Variants in MGMT observed in about 807,000 individuals in gnomAD.
The protein encoded by MGMT is O-6-methylguanine-DNA methyltransferase.
MGMT carries 14 observed loss-of-function variants against 15.9 expected under a neutral mutation model. The ratio of observed to expected loss-of-function variants is 0.88; its 90% CI spans 0.58 to 1.37. The LOEUF (loss-of-function observed/expected upper bound fraction) is 1.37, where lower values mean the gene tolerates loss of function less well. Ranked by LOEUF, MGMT falls within the 40% of genes most tolerant of loss-of-function variation. MGMT has a pLI of 0.00. For missense variants in MGMT, 282 were observed against 268.1 expected (o/e 1.05, Z -0.36); for synonymous variants, 130 against 118.2 (o/e 1.10, Z -0.65).
chr10:129,752,120 T>G (rs1230709458), intron 3 of MGMT, among the ~76,000 whole-genome samples: 1 of 151,998 alleles, frequency 6.6e-6, no homozygotes, highest in Admixed American at 6.6e-5. Flanking sequence ...CCACATATAA[T>G]TCTAGATTTG....
chr10:129,722,937 C>T (rs938510847), intron 3 of MGMT, among the ~76,000 whole-genome samples: 21 of 135,126 alleles, frequency 1.6e-4, no homozygotes, highest in African/African-American at 6.0e-4. Context: ...ACCCAGGAGA[C>T]AGAGGTTGCA....
intron 1 of MGMT, among the ~76,000 whole-genome samples, chr10:129,495,135 G>T (rs1845507695): frequency 6.6e-6 from 1 of 152,126 alleles, no homozygotes; most frequent in Non-Finnish European, 1.5e-5. Flanking sequence ...TTTTTTTCAG[G>T]ATTAACAATT....
chr10:129,696,774 T>G (rs1443347907), intron 2 of MGMT, among the ~76,000 whole-genome samples: 1 of 152,160 alleles, frequency 6.6e-6, no homozygotes, highest in East Asian at 1.9e-4. Context: ...TGGCTGTTTG[T>G]CCCAGGGCTC....
intron 1 of MGMT, among the ~76,000 whole-genome samples, chr10:129,519,039 A>G (rs544087194): frequency 1.3e-5 from 2 of 152,262 alleles, no homozygotes; most frequent in South Asian, 4.1e-4. Flanking sequence ...AGGTCACTTC[A>G]AGAATCAAAG....
chr10:129,740,942 C>A (rs960751684), intron 3 of MGMT, among the ~76,000 whole-genome samples: 1 of 152,204 alleles, frequency 6.6e-6, no homozygotes, highest in East Asian at 1.9e-4. Flanking sequence ...ACGTTACCAT[C>A]TTCAAATGAG....
Position 129,556,191 on chromosome 10 carries a change from G to A in MGMT, c.125+19814G>A, listed in dbSNP as rs569549856. ...GAGACCAAGCAGTGCTTTCGGGATC[G>A]CTCTGTTGGTCTCTGTGTAGCACGT... On this transcript the variant is annotated intron_variant, in intron 2 of 4. Coordinates refer to ENST00000651593, the MANE Select transcript of MGMT (RefSeq NM_002412.5). The surrounding 1 kb of genome is among the most constrained non-coding windows in gnomAD (Gnocchi z 4.3). Among the ~76,000 whole-genome samples the A allele has an allele frequency of 5.3e-5, 8 of 152,288 alleles. No homozygotes were observed. The highest frequency in any genetic ancestry group is 2.0e-4 in the Admixed American group (3 of 15,306).
intron 2 of MGMT, among the ~76,000 whole-genome samples, chr10:129,619,810 T>C (rs1847070899): frequency 6.6e-6 from 1 of 152,260 alleles, no homozygotes; most frequent in African/African-American, 2.4e-5. Flanking sequence ...GCCATGATGA[T>C]GCTATTCCAC....
intron 2 of MGMT, among the ~76,000 whole-genome samples, chr10:129,571,059 G>A (rs750612988): frequency 2.4e-4 from 36 of 152,158 alleles, no homozygotes; most frequent in Admixed American, 1.8e-3. Context: ...GTAACAAGTC[G>A]AATAGAAATC....
intron 2 of MGMT, among the ~76,000 whole-genome samples, chr10:129,703,459 G>A (rs1366483883): frequency 3.3e-5 from 5 of 152,138 alleles, no homozygotes; most frequent in African/African-American, 1.2e-4. Context: ...CAGCTCTCGT[G>A]GTAGAATGCC....
At chr10:129,557,215 A>G (rs1430007303) in intron 2 of MGMT, among the ~76,000 whole-genome samples, 1 of 152,206 alleles carries the variant, frequency 6.6e-6, no homozygotes, top group South Asian at 2.1e-4. Context: ...ACTATGTCAG[A>G]TGTGCCATGA....
At chr10:129,726,547 A>G (rs1848436774) in intron 3 of MGMT, among the ~76,000 whole-genome samples, 1 of 152,226 alleles carries the variant, frequency 6.6e-6, no homozygotes, top group Admixed American at 6.5e-5. Context: ...CCTCACGCAG[A>G]CTGAGCAGGA....
At chr10:129,471,940 C>G (rs1845236190) in intron 1 of MGMT, among the ~76,000 whole-genome samples, 1 of 152,162 alleles carries the variant, frequency 6.6e-6, no homozygotes, top group Non-Finnish European at 1.5e-5. Context: ...ATTGCAAACC[C>G]AACATGTTAT....
chr10:129,676,611 TAAA>T (rs1029000767), intron 2 of MGMT, among the ~76,000 whole-genome samples: 1 of 152,204 alleles, frequency 6.6e-6, no homozygotes, highest in Non-Finnish European at 1.5e-5. Context: ...GTCTGTTTAA[TAAA>T]AAATAACCAT....
rs147394505 is a variant in MGMT at position 129,567,138 on chromosome 10, G to A, written c.125+30761G>A. On this transcript the variant is annotated intron_variant, in intron 2 of 4. Transcript: ENST00000651593. ...TTTTTCACCAGAAACAAATGCCTTT[G>A]TGCTTCTCCCGCCTGCGGACTCCCA... 6.2e-3 allele frequency among the ~76,000 whole-genome samples: 942 copies of A among 152,242 alleles called. 10 individuals are homozygous for A. Among genetic ancestry groups the A allele is most frequent in the African/African-American group, 0.022 (907 of 41,542 alleles).
At chr10:129,766,248 G>A (rs1275730052) in intron 4 of MGMT, among the ~76,000 whole-genome samples, 2 of 152,158 alleles carry the variant, frequency 1.3e-5, no homozygotes, top group African/African-American at 4.8e-5. Flanking sequence ...TGGAGAAAAA[G>A]GCATGGCTGC....
chr10:129,517,047 G>A (rs1013268389), intron 1 of MGMT, among the ~76,000 whole-genome samples: 1 of 152,242 alleles, frequency 6.6e-6, no homozygotes, highest in African/African-American at 2.4e-5. Flanking sequence ...TCAGCTGTCT[G>A]CGCATCCGTC....
chr10:129,618,759 A>C (rs1391695816), intron 2 of MGMT, among the ~76,000 whole-genome samples: 1 of 152,188 alleles, frequency 6.6e-6, no homozygotes, highest in African/African-American at 2.4e-5. Flanking sequence ...TCCTTTAAAA[A>C]TGCTATATTT....
chr10:129,577,345 C>T (rs796868965), intron 2 of MGMT, among the ~76,000 whole-genome samples: 2 of 151,924 alleles, frequency 1.3e-5, no homozygotes, highest in Non-Finnish European at 2.9e-5. Context: ...GAGATATAGA[C>T]CAATGGAACA....
At chr10:129,652,830 G>A (rs1847477619) in intron 2 of MGMT, among the ~76,000 whole-genome samples, 1 of 152,236 alleles carries the variant, frequency 6.6e-6, no homozygotes, top group South Asian at 2.1e-4. Flanking sequence ...TCCCAAGCGT[G>A]CCCGTGCACC....
Sources: gnomAD v4.1 joint callset for allele counts (sites outside exome capture counted in the v4.1 genomes callset) on GRCh38, gnomAD v4.1.1 for gene constraint, Gnocchi (gnomAD v3.1) non-coding constraint, MANE v1.5 for transcripts, NCBI Gene and HGNC (gene_info 2026-07-23, HGNC 2026-07-21) for gene names.